The following SLC6A2 variants were observed in gnomAD, a reference collection of about 807,000 sequenced individuals.
The protein encoded by SLC6A2 is sodium-dependent noradrenaline transporter.
A neutral mutation model predicts 71.7 loss-of-function variants in SLC6A2; 26 were observed. The ratio of observed to expected loss-of-function variants is 0.36; its 90% CI spans 0.27 to 0.50. SLC6A2 has a LOEUF of 0.50. SLC6A2 is among the 20% of genes least tolerant of loss of function. The pLI, the probability that SLC6A2 is intolerant of heterozygous loss-of-function variation, is 0.96. For synonymous variants in SLC6A2, 363 were observed against 337.9 expected, an observed-to-expected ratio of 1.07 and a Z score of -0.82; for missense variants, 581 against 803.9, an observed-to-expected ratio of 0.72 and a Z score of 3.35.
At chr16:55,669,460 C>T in intron 2 of SLC6A2, 105 bp from the exon 3 acceptor site, 6 of 1,249,954 alleles carry the variant, frequency 4.8e-6, no homozygotes, top group Non-Finnish European at 5.9e-6. Context: ...TTGGAAACAG[C>T]CAGCTGAGCA....
Position 55,700,387 on chromosome 16 carries a change from T to G in SLC6A2, c.1758+81T>G, listed in dbSNP as rs114210221. 3,920 of 1,281,492 alleles carry G rather than the reference T, an allele frequency of 3.1e-3. 128 individuals are homozygous for G. The African/African-American group carries it at 0.054, about 18-fold the overall frequency. 79.4% of individuals were successfully genotyped at this position (1,281,492 alleles called of 1,614,324 possible). On this transcript the variant is annotated intron_variant, in intron 13 of 14. Transcript: ENST00000568943. ...GGGACGACTCTCATTCCTGTTGGGGTGGGGGAAGGGACAGAAGGACACAGA... is the reference window on the plus strand; with the variant it reads ...GGGACGACTCTCATTCCTGTTGGGGGGGGGGAAGGGACAGAAGGACACAGA...
Position 55,685,185 on chromosome 16 carries a change from C to G in SLC6A2, c.687C>G (p.Asp229Glu). The G allele has an allele frequency of 6.2e-7, 1 of 1,614,138 alleles. No homozygotes were observed. The highest frequency in any genetic ancestry group is 8.5e-7 in the Non-Finnish European group (1 of 1,179,958). Residue 229 changes from aspartate (D) to glutamate (E), a missense_variant, in exon 5 of 15, where the codon GAC (aspartate) becomes GAG (glutamate). This residue lies in a region of SLC6A2 where 87 missense variants were observed against 99.5 expected (regional missense o/e 0.87). Transcript: ENST00000568943. The part of the protein sequence containing the change: ...LHLHESSGIH[D>E]IGLPQWQLLL... Reference sequence around the variant, plus strand: ...TTCACGAGAGCAGCGGGATTCATGACATCGGCCTGCCCCAGTGGCAGCTCT... The same window carrying G: ...TTCACGAGAGCAGCGGGATTCATGAGATCGGCCTGCCCCAGTGGCAGCTCT...
chr16:55,665,781 T>A (rs1430492670), intron 2 of SLC6A2, among the ~76,000 whole-genome samples: 2 of 152,198 alleles, frequency 1.3e-5, no homozygotes, highest in Non-Finnish European at 2.9e-5. Context: ...CCTTCCTGGG[T>A]ACTTGGCATT....
rs759525872 is a variant in SLC6A2, at chr16:55,685,227, C to G, written c.729C>G (p.Val243=). The change falls in exon 5 of 15, where the codon GTC becomes GTG. Residue 243 remains valine, a synonymous_variant. Coordinates refer to ENST00000568943, the MANE Select transcript of SLC6A2 (RefSeq NM_001172501.3). ...PQWQLLLCLM[V]VVIVLYFSLW... Reference sequence around the variant, plus strand: ...GGCAGCTCTTGCTCTGTCTGATGGTCGTCGTCATCGTCTTGTATTTTAGCC... The same window carrying G: ...GGCAGCTCTTGCTCTGTCTGATGGTGGTCGTCATCGTCTTGTATTTTAGCC... The G allele has an allele frequency of 3.7e-6, 6 of 1,614,044 alleles. No individual in the cohort carries two copies. In the East Asian group the frequency reaches 1.1e-4, roughly 30 times the overall value.
chr16:55,697,757 A>G, intron 9 of SLC6A2, 140 bp from the exon 10 acceptor site: 1 of 789,636 alleles, frequency 1.3e-6, no homozygotes, highest in South Asian at 1.6e-5. Flanking sequence ...TGGGGAAGGC[A>G]GGACGTGCTG....
chr16:55,670,565 T>C (rs1964878385), intron 3 of SLC6A2, among the ~76,000 whole-genome samples: 1 of 152,218 alleles, frequency 6.6e-6, no homozygotes, highest in Admixed American at 6.5e-5. Flanking sequence ...ATCGCTCTTC[T>C]TGTGTTTCAG....
At chr16:55,660,123 T>C (rs1224622466) in intron 2 of SLC6A2, among the ~76,000 whole-genome samples, 1 of 152,104 alleles carries the variant, frequency 6.6e-6, no homozygotes, top group African/African-American at 2.4e-5. Context: ...GCTCAGCTGC[T>C]CTGGATGGGG....
chr16:55,674,600 T>A (rs1596971488), intron 4 of SLC6A2, among the ~76,000 whole-genome samples: 1 of 152,048 alleles, frequency 6.6e-6, no homozygotes, highest in African/African-American at 2.4e-5. Flanking sequence ...AATTTTTGAA[T>A]TTTTAGTAGA....
At chr16:55,665,004 G>A (rs1425024045) in intron 2 of SLC6A2, among the ~76,000 whole-genome samples, 1 of 152,166 alleles carries the variant, frequency 6.6e-6, no homozygotes, top group Non-Finnish European at 1.5e-5. Context: ...CTCTTTTGTG[G>A]TGTGGGCTGT....
intron 13 of SLC6A2, among the ~76,000 whole-genome samples, chr16:55,700,949 A>T (rs1376962724): frequency 2.6e-5 from 4 of 152,196 alleles, no homozygotes. Context: ...TATTTGATTA[A>T]AATATCCTTT....
At chr16:55,689,636 G>A (rs880712) in intron 5 of SLC6A2, among the ~76,000 whole-genome samples, 3,262 of 152,338 alleles carry the variant, frequency 0.021, 110 homozygotes, top group African/African-American at 0.074. Context: ...AGATGTGAGA[G>A]CTCCTTCTTG....
At chr16:55,660,520 T>C (rs1206635638) in intron 2 of SLC6A2, among the ~76,000 whole-genome samples, 3 of 152,216 alleles carry the variant, frequency 2.0e-5, no homozygotes, top group South Asian at 2.1e-4. Flanking sequence ...GGATCAATTC[T>C]CATCCAGTAA....
At position 55,704,132 on chromosome 16, in the gene SLC6A2, T is replaced by C. The variant is rs1208951478; in HGVS notation, c.*1786T>C. The C allele has an allele frequency of 6.6e-6, 1 of 152,248 alleles. No homozygotes were observed. Among genetic ancestry groups the C allele is most frequent in the Admixed American group, 6.5e-5 (1 of 15,286 alleles). 9.4% of individuals were successfully genotyped at this position (152,248 alleles called of 1,614,324 possible). A position where few individuals can be genotyped will look rare whatever the true frequency, so the allele number is the denominator to read the frequency against. Reference sequence around the variant, plus strand: ...CCTCCCATAAAAGGTAACTTCTTCCTAGGTGTTACCATTTTTCTTTTCGTT... The same window carrying C: ...CCTCCCATAAAAGGTAACTTCTTCCCAGGTGTTACCATTTTTCTTTTCGTT... On this transcript the variant is annotated 3_prime_UTR_variant, in exon 15 of 15. Coordinates refer to ENST00000568943, the MANE Select transcript of SLC6A2 (RefSeq NM_001172501.3).
intron 14 of SLC6A2, among the ~76,000 whole-genome samples, 174 bp downstream of exon 14, chr16:55,702,108 C>T (rs1965989343): frequency 3.3e-5 from 5 of 152,262 alleles, no homozygotes; most frequent in Admixed American, 2.0e-4. Context: ...ACCTTGAGCC[C>T]ATGGCCTCAG....
At chr16:55,671,890 TG>T in intron 3 of SLC6A2, 47 bp from the exon 4 acceptor site, 1 of 1,612,826 alleles carries the variant, frequency 6.2e-7, no homozygotes, top group South Asian at 1.1e-5. Flanking sequence ...GAGGTGGCTG[TG>T]GGGCTGGGCC....
In SLC6A2 at chr16:55,704,666, T is replaced by C. The variant is rs1341865451; in HGVS notation, c.*2320T>C. The C allele has an allele frequency of 6.6e-6, 1 of 152,332 alleles. No homozygotes were observed. Among genetic ancestry groups the C allele is most frequent in the East Asian group, 1.9e-4 (1 of 5,206 alleles). 9.4% of individuals were successfully genotyped at this position (152,332 alleles called of 1,614,324 possible). ...AGAGCAAACAGTCAGCAAAGCCTTT[T>C]GCATTAGAGCAGGGTCGTGCTTCCG... On this transcript the variant is annotated 3_prime_UTR_variant, in exon 15 of 15. Transcript: ENST00000568943.
chr16:55,674,080 T>C (rs1252985509), intron 4 of SLC6A2, among the ~76,000 whole-genome samples: 1 of 152,184 alleles, frequency 6.6e-6, no homozygotes, highest in Non-Finnish European at 1.5e-5. Context: ...GGTTGTTACA[T>C]GGGTACATTG....
intron 10 of SLC6A2, 79 bp from the exon 11 acceptor site, chr16:55,698,390 G>C (rs1965865557): frequency 2.0e-6 from 2 of 1,011,848 alleles, no homozygotes; most frequent in Admixed American, 3.5e-5. Context: ...CAGGGGGCAG[G>C]TAAGAGTTGA....
At chr16:55,661,507 C>A (rs1489124900) in intron 2 of SLC6A2, among the ~76,000 whole-genome samples, 9 of 152,092 alleles carry the variant, frequency 5.9e-5, no homozygotes, top group Admixed American at 5.9e-4. Flanking sequence ...TAAATGTAGT[C>A]ATTAGTATTT....
Sources: gnomAD v4.1 joint callset for allele counts (sites outside exome capture counted in the v4.1 genomes callset) on GRCh38, gnomAD v4.1.1 for gene constraint, gnomAD v4.1.1 regional missense constraint, MANE v1.5 for transcripts, NCBI Gene and HGNC (gene_info 2026-07-23, HGNC 2026-07-21) for gene names.